RGSL1: variants seen among roughly 807,000 people sequenced by gnomAD.
The protein encoded by RGSL1 is regulator of G protein signaling protein-like.
Under a neutral mutation model 124.7 loss-of-function variants are expected in RGSL1, and 97 were observed. The ratio of observed to expected loss-of-function variants is 0.78; its 90% CI spans 0.66 to 0.92. RGSL1 has a LOEUF of 0.92. RGSL1 is among the 40% of genes least tolerant of loss of function. The probability of loss-of-function intolerance (pLI) is 0.00; values close to 1 mark genes in which losing one functional copy is unlikely to be tolerated. For synonymous variants in RGSL1, 424 were observed against 438.1 expected, an observed-to-expected ratio of 0.97 and a Z score of 0.40; for missense variants, 1,233 against 1,288.4, an observed-to-expected ratio of 0.96 and a Z score of 0.66.
intron 9 of RGSL1, among the ~76,000 whole-genome samples, chr1:182,506,383 T>C (rs1055090289): frequency 1.1e-4 from 17 of 152,202 alleles, no homozygotes; most frequent in African/African-American, 4.1e-4. Flanking sequence ...TCTCCCACTC[T>C]GGATTTTTTC....
At chr1:182,518,873 T>A (rs1658105871) in intron 9 of RGSL1, among the ~76,000 whole-genome samples, 1 of 151,606 alleles carries the variant, frequency 6.6e-6, no homozygotes, top group African/African-American at 2.4e-5. Flanking sequence ...TTTTTGTTTT[T>A]CTAGGGTGTG....
chr1:182,548,200 C>A, intron 15 of RGSL1, 117 bp from the exon 16 acceptor site: 1 of 1,020,832 alleles, frequency 9.8e-7, no homozygotes, highest in Non-Finnish European at 1.5e-6. Context: ...AAAGTCACAA[C>A]CTGGCCTAGA....
intron 11 of RGSL1, among the ~76,000 whole-genome samples, chr1:182,528,914 C>T (rs1050295703): frequency 3.3e-5 from 5 of 152,200 alleles, no homozygotes; most frequent in African/African-American, 9.6e-5. Context: ...CACCTGTCTA[C>T]AGGGTGGCAA....
At chr1:182,500,679 C>A (rs1656281200) in intron 9 of RGSL1, among the ~76,000 whole-genome samples, 1 of 152,084 alleles carries the variant, frequency 6.6e-6, no homozygotes, top group Non-Finnish European at 1.5e-5. Context: ...CTCAGCAATA[C>A]TTTGTAATTT....
chr1:182,515,557 G>GGA (rs1553268053), intron 9 of RGSL1, among the ~76,000 whole-genome samples: 2 of 143,262 alleles, frequency 1.4e-5, no homozygotes, highest in Non-Finnish European at 3.1e-5. Flanking sequence ...AAAAAAAGGG[G>GGA]GGGGCGGGGT....
chr1:182,542,226 A>C (rs768742471), intron 15 of RGSL1, among the ~76,000 whole-genome samples: 1 of 152,048 alleles, frequency 6.6e-6, no homozygotes, highest in African/African-American at 2.4e-5. Flanking sequence ...GTACATTTTT[A>C]TTTGATTTTT....
At chr1:182,476,071 T>C in intron 6 of RGSL1, among the ~76,000 whole-genome samples, 1 of 152,184 alleles carries the variant, frequency 6.6e-6, no homozygotes, top group East Asian at 1.9e-4. Flanking sequence ...CGGCTCTAAG[T>C]CTGGCATGAT....
intron 14 of RGSL1, among the ~76,000 whole-genome samples, chr1:182,535,176 C>T (rs1461014776): frequency 6.6e-6 from 1 of 152,152 alleles, no homozygotes; most frequent in African/African-American, 2.4e-5. Context: ...CCTGGTGCCC[C>T]TCTTCAATAG....
upstream of RGSL1, chr1:182,449,130 G>T (rs2101966866): frequency 6.6e-6 from 1 of 152,236 alleles, no homozygotes; most frequent in Non-Finnish European, 1.5e-5. Context: ...AATTAATAAG[G>T]TGAATAAGGT....
chr1:182,504,246 T>G (rs1656634342), intron 9 of RGSL1, among the ~76,000 whole-genome samples: 1 of 152,120 alleles, frequency 6.6e-6, no homozygotes, highest in African/African-American at 2.4e-5. Context: ...CCTCCCAAAG[T>G]GCTGGGATTA....
intron 9 of RGSL1, among the ~76,000 whole-genome samples, chr1:182,514,147 C>T (rs1182543636): frequency 6.6e-6 from 1 of 152,168 alleles, no homozygotes; most frequent in Admixed American, 6.5e-5. Flanking sequence ...CCAACCTCAG[C>T]CTCTCAAAGT....
chr1:182,477,651 AG>A (rs1372961820), intron 6 of RGSL1, among the ~76,000 whole-genome samples: 1 of 152,170 alleles, frequency 6.6e-6, no homozygotes, highest in African/African-American at 2.4e-5. Context: ...GCAGACCTTG[AG>A]ACAGCCCCAA....
chr1:182,488,430 TTAAAG>T (rs1167453503), intron 7 of RGSL1, 83 bp downstream of exon 7: 8 of 1,246,622 alleles, frequency 6.4e-6, no homozygotes, highest in African/African-American at 3.0e-5. Context: ...GGGTTATGTG[TTAAAG>T]TAAATGAAAT....
At chr1:182,543,593 A>C (rs1309452979) in intron 15 of RGSL1, among the ~76,000 whole-genome samples, 1 of 151,808 alleles carries the variant, frequency 6.6e-6, no homozygotes, top group East Asian at 1.9e-4. Context: ...CTCCCTTTTA[A>C]ATTTTTTAAG....
chr1:182,471,209 A>C (rs1386672568), intron 4 of RGSL1: 22 of 453,786 alleles, frequency 4.8e-5, no homozygotes, highest in Non-Finnish European at 8.0e-5. Context: ...GGGGTCTGGC[A>C]GTGTGCAAGG....
chr1:182,548,637 A>G, intron 16 of RGSL1, 63 bp from the exon 17 acceptor site: 1 of 1,542,268 alleles, frequency 6.5e-7, no homozygotes, highest in Non-Finnish European at 8.7e-7. Flanking sequence ...TCTGGGGGCC[A>G]GGAGAGGTTT....
chr1:182,481,575 T>C (rs1654710765), intron 6 of RGSL1, among the ~76,000 whole-genome samples: 1 of 152,132 alleles, frequency 6.6e-6, no homozygotes, highest in Admixed American at 6.5e-5. Context: ...GAGAACACTT[T>C]CAAAGTAATT....
intron 9 of RGSL1, among the ~76,000 whole-genome samples, chr1:182,496,172 C>CA (rs1655897111): frequency 6.6e-6 from 1 of 151,814 alleles, no homozygotes; most frequent in Admixed American, 6.6e-5. Context: ...TGGTTGGAGC[C>CA]AAAGGAAGAA....
intron 17 of RGSL1, chr1:182,550,354 A>T (rs1660482412): frequency 6.6e-6 from 1 of 152,162 alleles, no homozygotes. Flanking sequence ...GTGAAATGGG[A>T]AAAGCCTATT....
Sources: allele counts gnomAD v4.1 joint callset (sites outside exome capture counted in the v4.1 genomes callset), GRCh38; gene constraint gnomAD v4.1.1; transcripts MANE v1.5; gene names NCBI Gene and HGNC (gene_info 2026-07-23, HGNC 2026-07-21).